The following ACTR8 variants were observed in gnomAD, a reference collection of about 807,000 sequenced individuals.
ACTR8 encodes actin related protein 8, also known as actin-related protein 8.
In ACTR8, 70 loss-of-function variants were observed where a neutral mutation model predicts 84.3. The ratio of observed to expected loss-of-function variants is 0.83; its 90% CI spans 0.68 to 1.01. The LOEUF (loss-of-function observed/expected upper bound fraction) is 1.01. Among genes scored for constraint, ACTR8 ranks in the 50% least tolerant of loss-of-function variants. ACTR8 has a pLI of 0.00. For synonymous variants in ACTR8, 268 were observed against 275.2 expected, an observed-to-expected ratio of 0.97 and a Z score of 0.26; for missense variants, 672 against 775.4, an observed-to-expected ratio of 0.87 and a Z score of 1.58.
Position 53,874,294 on chromosome 3 carries a change from G to T in ACTR8, c.982C>A (p.Pro328Thr). 1 of 1,614,134 alleles carries T rather than the reference G, an allele frequency of 6.2e-7. No homozygotes were observed. Among genetic ancestry groups the T allele is most frequent in the Non-Finnish European group, 8.5e-7 (1 of 1,180,008 alleles). The change falls in exon 8 of 13, where the codon CCT becomes ACT. Residue 328 changes from proline to threonine, a missense_variant. By Grantham distance (38) the Pro-to-Thr change is conservative (BLOSUM62 -1). Coordinates refer to ENST00000335754, the MANE Select transcript of ACTR8 (RefSeq NM_022899.5). ...TTTGTTAACTGGCATTCTCTGTAAG[G>T]GAACCCAGCTCGCTGCATTAGCCAG... Reference protein sequence around the residue: ...FYWLMQRAGFPYRECQLTNKM... With the variant: ...FYWLMQRAGFTYRECQLTNKM...
At chr3:53,864,786 GC>G (rs775531257), downstream of ACTR8, 36 of 1,613,348 alleles carry the variant, frequency 2.2e-5, no homozygotes, top group Non-Finnish European at 2.8e-5. Flanking sequence ...CCACACTACT[GC>G]CCCCCATTAA....
At chr3:53,865,195 T>C, downstream of ACTR8, 1 of 1,614,126 alleles carries the variant, frequency 6.2e-7, no homozygotes, top group Non-Finnish European at 8.5e-7. Context: ...CTGCCCCAAG[T>C]ACCACCTCAT....
At chr3:53,860,310 C>A in the ACTR8 span, 3 of 1,133,832 alleles carry the variant, frequency 2.6e-6, no homozygotes, top group Non-Finnish European at 2.6e-6. Flanking sequence ...CCTCTGGAGG[C>A]AATCACATGT....
downstream of ACTR8, among the ~76,000 whole-genome samples, chr3:53,863,933 C>T (rs111560799): frequency 0.014 from 2,172 of 151,942 alleles, 53 homozygotes; most frequent in African/African-American, 0.05. Context: ...AGTGAACCTC[C>T]CACCTTAGCC....
rs904028810 is a variant in ACTR8, at chr3:53,879,659, G to A, written c.294+280C>T. 2.0e-5 allele frequency among the ~76,000 whole-genome samples: 3 copies of A among 152,274 alleles called. No individual in the cohort carries two copies. The East Asian group carries it at 5.8e-4, about 29-fold the overall frequency. Reference sequence around the variant, plus strand: ...TGGCTTAATCCATAAGTTTAAGCCTGTTAACAAGGACCTGAATGTATTACT... The same window carrying A: ...TGGCTTAATCCATAAGTTTAAGCCTATTAACAAGGACCTGAATGTATTACT... On this transcript the variant is annotated intron_variant, in intron 2 of 12. Transcript: ENST00000335754.
chr3:53,864,380 C>T (rs549552260), downstream of ACTR8, among the ~76,000 whole-genome samples: 2 of 152,132 alleles, frequency 1.3e-5, no homozygotes, highest in South Asian at 4.1e-4. Flanking sequence ...ACTAAAAGTA[C>T]AAAAATTAGC....
chr3:53,867,088 A>C lies in ACTR8; in HGVS notation c.*1631T>G, dbSNP rs1008836640. On this transcript the variant is annotated 3_prime_UTR_variant, in exon 13 of 13. Coordinates refer to ENST00000335754, the MANE Select transcript of ACTR8 (RefSeq NM_022899.5). ...ATGTTTAATGTAGCAAATTTTACTT[A>C]TTTGTCATGATCAGTTTTCACAGTG... 4 of 152,192 alleles carry C rather than the reference A, an allele frequency of 2.6e-5. No individual in the cohort carries two copies. The highest frequency in any genetic ancestry group is 5.9e-5 in the Non-Finnish European group (4 of 68,030). The allele number at this position is 152,192 out of a possible 1,614,324, so 9.4% of individuals were successfully genotyped here.
downstream of ACTR8, chr3:53,865,215 C>G: frequency 6.2e-7 from 1 of 1,613,934 alleles, no homozygotes; most frequent in Non-Finnish European, 8.5e-7. Context: ...TGAAGGATGC[C>G]ACTGCTTTCT....
At chr3:53,865,417 T>A, downstream of ACTR8, 1 of 799,944 alleles carries the variant, frequency 1.3e-6, no homozygotes, top group Non-Finnish European at 1.9e-6. Flanking sequence ...ACAGCCTTAG[T>A]AATTAAAACA....
rs192918726 is a variant in ACTR8 at position 53,874,294 on chromosome 3, G to A, written c.982C>T (p.Pro328Ser). The A allele has an allele frequency of 2.5e-6, 4 of 1,614,134 alleles. No individual in the cohort carries two copies. The African/African-American group carries it at 5.3e-5, about 22-fold the overall frequency. The change falls in exon 8 of 13, where the codon CCT becomes TCT. Residue 328 changes from proline to serine, a missense_variant. By Grantham distance (74) the Pro-to-Ser change is moderately conservative. Transcript: ENST00000335754. ...FYWLMQRAGF[P>S]YRECQLTNKM... Reference sequence around the variant, plus strand: ...TTTGTTAACTGGCATTCTCTGTAAGGGAACCCAGCTCGCTGCATTAGCCAG... The same window carrying A: ...TTTGTTAACTGGCATTCTCTGTAAGAGAACCCAGCTCGCTGCATTAGCCAG...
intron 2 of ACTR8, 67 bp from the exon 3 acceptor site, chr3:53,878,534 A>T: frequency 1.1e-6 from 1 of 936,712 alleles, no homozygotes; most frequent in Non-Finnish European, 1.7e-6. Context: ...TTCAAAAACT[A>T]CTAATTTAAT....
intron 5 of ACTR8, 138 bp from the exon 6 acceptor site, chr3:53,876,851 C>T: frequency 2.0e-6 from 1 of 501,482 alleles, no homozygotes; most frequent in Non-Finnish European, 3.6e-6. Context: ...AACCTCTGTA[C>T]TATCCTTTGG....
intron 1 of ACTR8, chr3:53,881,678 A>T (rs1700062409): frequency 1.4e-5 from 7 of 486,430 alleles, no homozygotes; most frequent in Middle Eastern, 5.6e-4. Flanking sequence ...TGGTCGTTTT[A>T]TGGTCGGGGA....
At position 53,870,523 on chromosome 3, in the gene ACTR8, C is replaced by T. The variant is rs370663565; in HGVS notation, c.1568-378G>A. 6.6e-6 allele frequency among the ~76,000 whole-genome samples: 1 copy of T among 152,074 alleles called. No homozygotes were observed. Among genetic ancestry groups the T allele is most frequent in the East Asian group, 1.9e-4 (1 of 5,184 alleles). ...AAAAGTAGCCGGGCATGGTAGCGTG[C>T]GCCTGTAGTCCCAGCTACTCGGGAG... On this transcript the variant is annotated intron_variant, in intron 11 of 12. Coordinates refer to ENST00000335754, the MANE Select transcript of ACTR8 (RefSeq NM_022899.5). The surrounding 1 kb of genome is among the most constrained non-coding windows in gnomAD (Gnocchi z 4.1).
chr3:53,862,892 G>A (rs1474432231), downstream of ACTR8, among the ~76,000 whole-genome samples: 1 of 152,174 alleles, frequency 6.6e-6, no homozygotes, highest in Non-Finnish European at 1.5e-5. Context: ...ATGTCTTTCT[G>A]TAAAGTTACA....
intron 2 of ACTR8, among the ~76,000 whole-genome samples, chr3:53,879,518 T>G (rs1203149504): frequency 6.6e-6 from 1 of 152,218 alleles, no homozygotes; most frequent in African/African-American, 2.4e-5. Context: ...ATGGTTAATC[T>G]AAGACCATAA....
In ACTR8 at chr3:53,876,074, A is replaced by C; in HGVS notation, c.785T>G (p.Val262Gly). 6.3e-7 allele frequency: 1 copy of C among 1,584,114 alleles called. No individual in the cohort carries two copies. Among genetic ancestry groups the C allele is most frequent in the Non-Finnish European group, 8.5e-7 (1 of 1,172,812 alleles). Residue 262 changes from valine to glycine, a missense_variant, in exon 7 of 13, where the codon GTG becomes GGG. Val to Gly is a moderately radical substitution (Grantham distance 109). Coordinates refer to ENST00000335754, the MANE Select transcript of ACTR8 (RefSeq NM_022899.5). The part of the protein sequence containing the change: ...ILMKMGFSGI[V>G]VHQESVCATY... ...GGCACACACAGACTCCTGATGGACC[A>C]CAATCCCTGGGGGGGGAAAAGAAAA...
At chr3:53,871,636 CCAGG>C in intron 10 of ACTR8, 140 bp from the exon 11 acceptor site, 1 of 972,348 alleles carries the variant, frequency 1.0e-6, no homozygotes, top group Non-Finnish European at 1.5e-6. Flanking sequence ...GCACCCATTC[CCAGG>C]TAACTTAGGA....
At chr3:53,873,871 C>T (rs1461201957) in intron 8 of ACTR8, among the ~76,000 whole-genome samples, 1 of 152,192 alleles carries the variant, frequency 6.6e-6, no homozygotes, top group Non-Finnish European at 1.5e-5. Context: ...GTCGCCGAGG[C>T]TGGAGTGCAG....
Sources: allele counts gnomAD v4.1 joint callset (sites outside exome capture counted in the v4.1 genomes callset), GRCh38; gene constraint gnomAD v4.1.1; non-coding constraint Gnocchi (gnomAD v3.1); transcripts MANE v1.5; gene names NCBI Gene and HGNC (gene_info 2026-07-23, HGNC 2026-07-21).